DSTYK: variants seen among roughly 807,000 people sequenced by gnomAD.
DSTYK encodes the protein dual serine/threonine and tyrosine protein kinase, also known as RIP-homologous kinase.
In DSTYK, 34 loss-of-function variants were observed where a neutral mutation model predicts 98.7. The observed-to-expected ratio is 0.34, with a 90% CI of 0.26 to 0.46. The LOEUF (loss-of-function observed/expected upper bound fraction) is 0.46, where lower values mean the gene tolerates loss of function less well. DSTYK is among the 20% of genes least tolerant of loss of function. The pLI, the probability that DSTYK is intolerant of heterozygous loss-of-function variation, is 1.00. For missense variants in DSTYK, 962 were observed against 1,181.7 expected, an observed-to-expected ratio of 0.81 and a Z score of 2.73; for synonymous variants, 462 against 457.3, an observed-to-expected ratio of 1.01 and a Z score of -0.13.
At chr1:205,162,266 C>A (rs1345752090) in intron 5 of DSTYK, 54 bp from the exon 6 acceptor site, 28 of 1,589,166 alleles carry the variant, frequency 1.8e-5, no homozygotes, top group Non-Finnish European at 2.3e-5. Flanking sequence ...AGAACCACTA[C>A]AAAGATCCAG....
In DSTYK at chr1:205,162,157, C is replaced by T. The variant is rs1335596582; in HGVS notation, c.1697G>A (p.Arg566Lys). The T allele has an allele frequency of 6.2e-7, 1 of 1,614,068 alleles. No homozygotes were observed. Residue 566 changes from arginine (R) to lysine (K), a missense_variant, in exon 6 of 13, where the codon AGG becomes AAG. This residue lies in a region of DSTYK where 660 missense variants were observed against 855.0 expected (regional missense o/e 0.77). Transcript: ENST00000367162. ...SPPAITLEWK[R>K]KVAQEAIESL... is the part of the protein sequence containing the mutation. ...CTCAATGGCTTCCTGGGCCACCTTCCTCTTCCATTCCAGAGTGATGGCAGG... is the reference window on the plus strand; with the variant it reads ...CTCAATGGCTTCCTGGGCCACCTTCTTCTTCCATTCCAGAGTGATGGCAGG...
intron 1 of DSTYK, among the ~76,000 whole-genome samples, chr1:205,208,927 C>T (rs962553985): frequency 6.6e-6 from 1 of 152,282 alleles, no homozygotes; most frequent in South Asian, 2.1e-4. Flanking sequence ...CCCAAACTCT[C>T]CACGCTGAAA....
intron 1 of DSTYK, among the ~76,000 whole-genome samples, chr1:205,198,730 AAAAC>A (rs1658941539): frequency 6.6e-6 from 1 of 152,174 alleles, no homozygotes; most frequent in Non-Finnish European, 1.5e-5. Context: ...AAAAAAAACA[AAAAC>A]AAAAAAACCC....
intron 2 of DSTYK, among the ~76,000 whole-genome samples, chr1:205,171,454 T>TA (rs10536424): frequency 0.011 from 1,282 of 115,166 alleles, 15 homozygotes; most frequent in Middle Eastern, 0.05. Flanking sequence ...CTGTCTCAAT[T>TA]AAAAAAAAAA....
intron 2 of DSTYK, among the ~76,000 whole-genome samples, chr1:205,174,210 C>T (rs2102422228): frequency 6.6e-6 from 1 of 151,962 alleles, no homozygotes. Context: ...CAAAACCAGT[C>T]TCTATTAAAA....
Position 205,146,963 on chromosome 1 carries a change from G to A in DSTYK, c.*595C>T, listed in dbSNP as rs1374660462. 2 of 150,684 alleles carry A rather than the reference G, an allele frequency of 1.3e-5. No individual in the cohort carries two copies. The highest frequency in any genetic ancestry group is 3.0e-5 in the Non-Finnish European group (2 of 67,766). 9.3% of individuals were successfully genotyped at this position (150,684 alleles called of 1,614,324 possible). A position where few individuals can be genotyped will look rare whatever the true frequency, so the allele number is the denominator to read the frequency against. On this transcript the variant is annotated 3_prime_UTR_variant, in exon 13 of 13. Coordinates refer to ENST00000367162, the MANE Select transcript of DSTYK (RefSeq NM_015375.3). ...ACCAGGGATATGTGGTCCTATAAAT[G>A]TAAACACACTGGCACTATGAGGAAC...
At chr1:205,155,645 G>A (rs560798819) in intron 10 of DSTYK, among the ~76,000 whole-genome samples, 4 of 150,286 alleles carry the variant, frequency 2.7e-5, no homozygotes, top group Admixed American at 6.6e-5. Flanking sequence ...GCAACAGAGC[G>A]AGACTCCATC....
At chr1:205,191,924 T>C (rs1658724619) in intron 1 of DSTYK, among the ~76,000 whole-genome samples, 1 of 152,140 alleles carries the variant, frequency 6.6e-6, no homozygotes, top group Non-Finnish European at 1.5e-5. Flanking sequence ...GCTTCTCAGC[T>C]GGCTCACATT....
intron 2 of DSTYK, among the ~76,000 whole-genome samples, chr1:205,178,003 G>A (rs958225604): frequency 3.3e-5 from 5 of 152,114 alleles, no homozygotes; most frequent in Admixed American, 3.3e-4. Context: ...CAATGTGAAG[G>A]CAAACCAGAG....
intron 2 of DSTYK, among the ~76,000 whole-genome samples, chr1:205,171,895 C>T (rs1658075228): frequency 6.6e-6 from 1 of 152,172 alleles, no homozygotes; most frequent in Admixed American, 6.6e-5. Context: ...AAAAGATACA[C>T]AATTTCGTTT....
chr1:205,195,236 C>A (rs1215536245), intron 1 of DSTYK, among the ~76,000 whole-genome samples: 2 of 152,092 alleles, frequency 1.3e-5, no homozygotes. Context: ...ACTGAGGCAA[C>A]CAGTGACACA....
At chr1:205,188,267 A>T (rs1387461919) in intron 1 of DSTYK, among the ~76,000 whole-genome samples, 1 of 152,208 alleles carries the variant, frequency 6.6e-6, no homozygotes, top group Non-Finnish European at 1.5e-5. Context: ...CTAATACTTG[A>T]ACTCAGATTA....
At position 205,145,574 on chromosome 1, in the gene DSTYK, G is replaced by A. The variant is rs535166992; in HGVS notation, c.*1984C>T. The stretch of plus-strand genomic sequence containing the variant: ...GATAGAGTCTCGCTCTGTTGCCCAG[G>A]CTGGAGTGCAGTGGCGTGATCTCGG... On this transcript the variant is annotated 3_prime_UTR_variant, in exon 13 of 13. Transcript: ENST00000367162. 2.6e-4 allele frequency: 38 copies of A among 147,616 alleles called. No homozygotes were observed. The highest frequency in any genetic ancestry group is 9.4e-4 in the African/African-American group (38 of 40,512). 9.1% of individuals were successfully genotyped at this position (147,616 alleles called of 1,614,324 possible).
chr1:205,205,572 A>G (rs1659175246), intron 1 of DSTYK, among the ~76,000 whole-genome samples: 1 of 151,904 alleles, frequency 6.6e-6, no homozygotes, highest in African/African-American at 2.4e-5. Context: ...CAGCCTCCTG[A>G]GCAGCTGGGA....
intron 1 of DSTYK, among the ~76,000 whole-genome samples, chr1:205,189,123 C>CA (rs1362979646): frequency 5.5e-5 from 8 of 146,520 alleles, no homozygotes; most frequent in Non-Finnish European, 7.5e-5. Context: ...ACGTTTTGTA[C>CA]AAAAAAAATA....
intron 1 of DSTYK, chr1:205,202,532 G>A (rs1397796072): frequency 5.6e-6 from 5 of 885,940 alleles, no homozygotes; most frequent in Admixed American, 3.4e-5. Flanking sequence ...CTGGTCGTTG[G>A]GCATATCAAA....
intron 2 of DSTYK, among the ~76,000 whole-genome samples, chr1:205,173,782 G>A (rs1222352181): frequency 1.3e-5 from 2 of 151,304 alleles, no homozygotes; most frequent in African/African-American, 2.4e-5. Flanking sequence ...GCAGTGGCAC[G>A]ATCTTGGCTC....
Position 205,211,470 on chromosome 1 carries a change from TCCG to T in DSTYK, c.63_65del (p.Gly22del). On this transcript the variant is annotated inframe_deletion, in exon 1 of 13. Coordinates refer to ENST00000367162, the MANE Select transcript of DSTYK (RefSeq NM_015375.3). ...AGCCCCGGCACAGCTCGCGGATCAT[TCCG>T]CCGCCGCCGGGGCCGGGACCCGAGA... 16 of 1,588,338 alleles carry T rather than the reference TCCG, an allele frequency of 1.0e-5. No individual in the cohort carries two copies. Among genetic ancestry groups the T allele is most frequent in the Non-Finnish European group, 1.4e-5 (16 of 1,171,516 alleles).
intron 2 of DSTYK, among the ~76,000 whole-genome samples, chr1:205,172,555 G>A (rs1211163232): frequency 8.0e-5 from 12 of 149,404 alleles, no homozygotes; most frequent in African/African-American, 2.5e-4. Context: ...GAGCTCAAGC[G>A]ATCTGCGCCT....
Sources: gnomAD v4.1 joint callset for allele counts (sites outside exome capture counted in the v4.1 genomes callset) on GRCh38, gnomAD v4.1.1 for gene constraint, gnomAD v4.1.1 regional missense constraint, MANE v1.5 for transcripts, NCBI Gene and HGNC (gene_info 2026-07-23, HGNC 2026-07-21) for gene names.